The following IQCM variants were observed in gnomAD, a reference collection of about 807,000 sequenced individuals.
The protein encoded by IQCM is IQ motif containing M.
A neutral mutation model predicts 57.6 loss-of-function variants in IQCM; 45 were observed. The observed-to-expected ratio is 0.78, with a 90% confidence interval of 0.62 to 1.00. The LOEUF (loss-of-function observed/expected upper bound fraction) is 1.00. Among genes scored for constraint, IQCM ranks in the 50% least tolerant of loss-of-function variants. The pLI is 0.00. For missense variants in IQCM, 468 were observed against 511.6 expected (o/e 0.91, Z 0.82); for synonymous variants, 148 against 158.9 (o/e 0.93, Z 0.51).
chr4:149,360,266 A>C (rs1200638071), intron 13 of IQCM, among the ~76,000 whole-genome samples: 2 of 152,214 alleles, frequency 1.3e-5, no homozygotes, highest in Non-Finnish European at 2.9e-5. Flanking sequence ...AAAAAGCAAA[A>C]ATTAAAAAAT....
intron 2 of IQCM, among the ~76,000 whole-genome samples, chr4:149,759,065 G>T (rs2149957551): frequency 6.6e-6 from 1 of 152,256 alleles, no homozygotes; most frequent in Non-Finnish European, 1.5e-5. Context: ...TCAGTAGAAT[G>T]AATTATTACT....
At chr4:149,471,158 CA>C (rs545181385) in intron 12 of IQCM, among the ~76,000 whole-genome samples, 1 of 152,112 alleles carries the variant, frequency 6.6e-6, no homozygotes, top group South Asian at 2.1e-4. Flanking sequence ...AAAAACCCTT[CA>C]AAAAATCAAT....
intron 12 of IQCM, among the ~76,000 whole-genome samples, chr4:149,498,810 C>A (rs1742937316): frequency 6.6e-6 from 1 of 152,156 alleles, no homozygotes; most frequent in African/African-American, 2.4e-5. Context: ...GCCATGCTCA[C>A]TTTCCCACCA....
Position 149,621,156 on chromosome 4 carries a change from T to C in IQCM, c.654A>G (p.Ser218=). 1 of 1,230,106 alleles carries C rather than the reference T, an allele frequency of 8.1e-7. No homozygotes were observed. The allele number at this position is 1,230,106 out of a possible 1,614,324, so 76.2% of individuals were successfully genotyped here. Reference sequence around the variant, plus strand: ...AATAATAATCCCGAAATATTGATGATGATTGAGAGAAACTAACTCGACGGG... The same window carrying C: ...AATAATAATCCCGAAATATTGATGACGATTGAGAGAAACTAACTCGACGGG... ...CDSRRVSFSQ[S]SSIFRDYYSK... is the part of the protein sequence containing the mutation. The change falls in exon 8 of 14, where the codon TCA becomes TCG. Residue 218 remains serine (S), a synonymous_variant. Transcript: ENST00000636793.
chr4:149,762,272 C>T (rs1486420770), intron 2 of IQCM, among the ~76,000 whole-genome samples: 2 of 151,300 alleles, frequency 1.3e-5, no homozygotes, highest in African/African-American at 4.8e-5. Context: ...AGTATTATAT[C>T]TGTCACGGGT....
intron 13 of IQCM, among the ~76,000 whole-genome samples, chr4:149,389,629 A>G (rs976918089): frequency 1.3e-5 from 2 of 149,118 alleles, no homozygotes; most frequent in South Asian, 2.1e-4. Context: ...AACACCGCAT[A>G]TTCTCACTCA....
At chr4:149,644,157 G>A (rs184188220) in intron 7 of IQCM, among the ~76,000 whole-genome samples, 99 of 152,202 alleles carry the variant, frequency 6.5e-4, no homozygotes, top group African/African-American at 2.1e-3. Flanking sequence ...TCCTTTTCTA[G>A]TAAATTAGGT....
In IQCM at chr4:149,602,459, C is replaced by T. The variant is rs570544519; in HGVS notation, c.682-14462G>A. On this transcript the variant is annotated intron_variant, in intron 8 of 13. Coordinates refer to ENST00000636793, the MANE Select transcript of IQCM (RefSeq NM_001363507.2). ...TTTATTTTATGGAAACACTCTGAAT[C>T]AAGTGACCAAAAACTTACCCTCTTT... Among the ~76,000 whole-genome samples the T allele has an allele frequency of 4.6e-5, 7 of 152,222 alleles. No individual in the cohort carries two copies. In the East Asian group the frequency reaches 1.4e-3, roughly 29 times the overall value.
chr4:149,786,703 G>T (rs1335766845), intron 2 of IQCM, among the ~76,000 whole-genome samples: 1 of 152,172 alleles, frequency 6.6e-6, no homozygotes, highest in Non-Finnish European at 1.5e-5. Flanking sequence ...AGGCTTTGGA[G>T]AAATAAGAAT....
chr4:149,699,025 T>A (rs1432576275), intron 5 of IQCM, among the ~76,000 whole-genome samples: 1 of 152,102 alleles, frequency 6.6e-6, no homozygotes, highest in Non-Finnish European at 1.5e-5. Context: ...ATATGAATTT[T>A]AATAACATGA....
chr4:149,410,971 T>C (rs1733343700), intron 13 of IQCM, among the ~76,000 whole-genome samples: 1 of 152,136 alleles, frequency 6.6e-6, no homozygotes, highest in African/African-American at 2.4e-5. Flanking sequence ...TTTTAAATTC[T>C]AGAAAAGAAA....
chr4:149,544,055 C>T (rs1487130208), intron 12 of IQCM, among the ~76,000 whole-genome samples: 2 of 152,066 alleles, frequency 1.3e-5, no homozygotes, highest in African/African-American at 2.4e-5. Flanking sequence ...TCCATCTTTA[C>T]ATTCTGATTT....
chr4:149,698,501 G>C lies in IQCM; in HGVS notation c.386-12033C>G, dbSNP rs1448089332. Reference sequence around the variant, plus strand: ...TCTCTACGATGTTAGCAGAAGAGTTGAAAGTTAATCCATGTTTTGTCAGTG... The same window carrying C: ...TCTCTACGATGTTAGCAGAAGAGTTCAAAGTTAATCCATGTTTTGTCAGTG... On this transcript the variant is annotated intron_variant, in intron 5 of 13. Transcript: ENST00000636793. 2.0e-5 allele frequency among the ~76,000 whole-genome samples: 3 copies of C among 152,064 alleles called. No homozygotes were observed. In the South Asian group the frequency reaches 6.2e-4, roughly 31 times the overall value.
At chr4:149,495,110 A>T (rs1181844633) in intron 12 of IQCM, among the ~76,000 whole-genome samples, 2 of 152,148 alleles carry the variant, frequency 1.3e-5, no homozygotes, top group Middle Eastern at 3.2e-3. Flanking sequence ...TGACAGTGCC[A>T]TTTATAGAAA....
At position 149,585,050 on chromosome 4, in the gene IQCM, C is replaced by T. The variant is rs151332462; in HGVS notation, c.749+2880G>A. ...CTATTTGCCAACTGTAAAGGGTTCCCGCAAAGCTTGTGGGTATGTGTAAAT... is the reference window on the plus strand; with the variant it reads ...CTATTTGCCAACTGTAAAGGGTTCCTGCAAAGCTTGTGGGTATGTGTAAAT... On this transcript the variant is annotated intron_variant, in intron 9 of 13. Transcript: ENST00000636793. 3.6e-3 allele frequency among the ~76,000 whole-genome samples: 554 copies of T among 151,788 alleles called. 5 individuals carry two copies. Among genetic ancestry groups the T allele is most frequent in the African/African-American group, 0.012 (515 of 41,494 alleles).
At chr4:149,457,850 AC>A (rs753295953) in intron 12 of IQCM, among the ~76,000 whole-genome samples, 56 of 152,186 alleles carry the variant, frequency 3.7e-4, no homozygotes, top group Non-Finnish European at 7.4e-4. Context: ...AAGAGGGAGA[AC>A]AAAAAATTAG....
intron 12 of IQCM, among the ~76,000 whole-genome samples, chr4:149,481,787 C>A (rs1266767617): frequency 1.6e-5 from 2 of 122,392 alleles, no homozygotes; most frequent in Admixed American, 2.0e-4. Context: ...ATTTTAGGAT[C>A]CAAAAAAAAT....
At chr4:149,517,231 A>G (rs1462559233) in intron 12 of IQCM, among the ~76,000 whole-genome samples, 6 of 152,068 alleles carry the variant, frequency 3.9e-5, no homozygotes, top group Admixed American at 3.9e-4. Flanking sequence ...CCATGTAGCC[A>G]GTTGCAGAAA....
chr4:149,811,651 C>A (rs2150068650), intron 2 of IQCM, among the ~76,000 whole-genome samples: 1 of 152,246 alleles, frequency 6.6e-6, no homozygotes, highest in Non-Finnish European at 1.5e-5. Context: ...CCTCATTCTG[C>A]CTTTTGGATG....
Sources: allele counts gnomAD v4.1 joint callset (sites outside exome capture counted in the v4.1 genomes callset), GRCh38; gene constraint gnomAD v4.1.1; transcripts MANE v1.5; gene names NCBI Gene and HGNC (gene_info 2026-07-23, HGNC 2026-07-21).